Variants in CBARP observed in about 807,000 individuals in gnomAD.
The protein encoded by CBARP is CACN subunit beta associated regulatory protein.
In CBARP, 24 loss-of-function variants were observed where a neutral mutation model predicts 36.3. The ratio of observed to expected loss-of-function variants is 0.66; its 90% CI spans 0.48 to 0.93. The LOEUF (loss-of-function observed/expected upper bound fraction) is 0.93, where lower values mean the gene tolerates loss of function less well. CBARP is among the 40% of genes least tolerant of loss of function. CBARP has a pLI of 0.00. For synonymous variants in CBARP, 586 were observed against 453.2 expected (o/e 1.29, Z -3.72); for missense variants, 1,146 against 980.4 (o/e 1.17, Z -2.26).
rs1466051773 is a variant in CBARP at position 1,229,267 on chromosome 19, A to T, written c.2030T>A (p.Leu677His). Reference sequence around the variant, plus strand: ...GGGCTCGGCGAGGCGCGGCGGAAAGAGTCTCTCGTCGAGGCCAGCCGCCAG... The same window carrying T: ...GGGCTCGGCGAGGCGCGGCGGAAAGTGTCTCTCGTCGAGGCCAGCCGCCAG... Reference protein sequence around the residue: ...DKLAAGLDERLFPPRLAEPVV... With the variant: ...DKLAAGLDERHFPPRLAEPVV... The change falls in exon 10 of 10, where the codon CTC (leucine) becomes CAC (histidine). Residue 677 changes from leucine to histidine, a missense_variant. By Grantham distance (99) the Leu-to-His change is moderately conservative (BLOSUM62 -3). Transcript: ENST00000650044. The surrounding 1 kb of genome is among the most constrained non-coding windows in gnomAD (Gnocchi z 5.1). 4 of 1,251,830 alleles carry T rather than the reference A, an allele frequency of 3.2e-6. No individual in the cohort carries two copies. Among genetic ancestry groups the T allele is most frequent in the Non-Finnish European group, 3.1e-6 (3 of 974,140 alleles). 77.5% of individuals were successfully genotyped at this position (1,251,830 alleles called of 1,614,324 possible).
At chr19:1,230,266 A>G (rs2080872560) in intron 9 of CBARP, 124 bp from the exon 10 acceptor site, 4 of 992,148 alleles carry the variant, frequency 4.0e-6, no homozygotes, top group Non-Finnish European at 1.2e-6. Context: ...CGGGCCTTGG[A>G]AGGTGAGAGC....
rs755784672 is a variant in CBARP, at chr19:1,235,816, A to C, written c.208T>G (p.Cys70Gly). 2 of 1,610,198 alleles carry C rather than the reference A, an allele frequency of 1.2e-6. No homozygotes were observed. The highest frequency in any genetic ancestry group is 1.3e-5 in the African/African-American group (1 of 75,038). The change falls in exon 3 of 10, where the codon TGC (cysteine) becomes GGC (glycine). Residue 70 changes from cysteine (C) to glycine (G), a missense_variant. Transcript: ENST00000650044. ...LVVLSGVLLL[C>G]KRCWDVHQRL... is the part of the protein sequence containing the mutation. ...TGGTGGACGTCCCAGCAGCGCTTGC[A>C]GAGGAGCAGGACGCCAGACAACACC...
intron 7 of CBARP, among the ~76,000 whole-genome samples, chr19:1,233,911 G>A (rs1342523713): frequency 6.6e-6 from 1 of 152,226 alleles, no homozygotes; most frequent in African/African-American, 2.4e-5. Flanking sequence ...CCCACGGCGT[G>A]GGCTGCAGGT....
rs2080879083 is a variant in CBARP at position 1,230,765 on chromosome 19, T to TGGGCG, written c.1154+331_1154+335dup. 1.3e-5 allele frequency: 18 copies of TGGGCG among 1,356,056 alleles called. No homozygotes were observed. In the South Asian group the frequency reaches 1.7e-4, roughly 13 times the overall value. The allele number at this position is 1,356,056 out of a possible 1,614,324, so 84.0% of individuals were successfully genotyped here. A position where few individuals can be genotyped will look rare whatever the true frequency, so the allele number is the denominator to read the frequency against. ...AGGAGTCTGCCCAGCCTTGGGAGCA[T>TGGGCG]GGGCGGGGCGGGGGTGGGAGAGGGC... On this transcript the variant is annotated intron_variant, in intron 9 of 9. Coordinates refer to ENST00000650044, the MANE Select transcript of CBARP (RefSeq NM_001393918.1).
rs768084134 is a variant in CBARP at position 1,233,443 on chromosome 19, G to C, written c.962C>G (p.Ala321Gly). The stretch of plus-strand genomic sequence containing the variant: ...CAGCTCACCTCTCGTGTCCAGACTG[G>C]CTGCCCGCTGGCTGGGCTCCAGCTT... Reference protein sequence around the residue: ...KWKLEPSQRAASLDTRGSPKR... With the variant: ...KWKLEPSQRAGSLDTRGSPKR... The change falls in exon 8 of 10, where the codon GCC (alanine) becomes GGC (glycine). Residue 321 changes from alanine to glycine, a missense_variant. Ala to Gly is a moderately conservative substitution (Grantham distance 60). Coordinates refer to ENST00000650044, the MANE Select transcript of CBARP (RefSeq NM_001393918.1). 1.3e-6 allele frequency: 2 copies of C among 1,593,174 alleles called. No homozygotes were observed. The highest frequency in any genetic ancestry group is 2.7e-5 in the African/African-American group (2 of 74,634).
chr19:1,231,404 G>A, intron 8 of CBARP, 129 bp from the exon 9 acceptor site: 2 of 1,321,764 alleles, frequency 1.5e-6, no homozygotes, highest in Non-Finnish European at 2.0e-6. Flanking sequence ...CACAACGCCT[G>A]TGGACCCCCA....
rs775510371 is a variant in CBARP at position 1,235,844 on chromosome 19, C to T, written c.180G>A (p.Leu60=). ...GGAGCAGGACGCCAGACAACACCACCAGCGTGCCCCCCACGAACAGCGACA... is the reference window on the plus strand; with the variant it reads ...GGAGCAGGACGCCAGACAACACCACTAGCGTGCCCCCCACGAACAGCGACA... The part of the protein sequence containing the change: ...VVMSLFVGGT[L]VVLSGVLLLC... Residue 60 remains leucine, a synonymous_variant, in exon 3 of 10, where the codon CTG becomes CTA. Transcript: ENST00000650044. 4.3e-6 allele frequency: 7 copies of T among 1,611,686 alleles called. No homozygotes were observed. The highest frequency in any genetic ancestry group is 5.9e-6 in the Non-Finnish European group (7 of 1,179,942).
rs2080905687 is a variant in CBARP at position 1,232,372 on chromosome 19, G to A, written c.979+1054C>T. On this transcript the variant is annotated intron_variant, in intron 8 of 9. Coordinates refer to ENST00000650044, the MANE Select transcript of CBARP (RefSeq NM_001393918.1). ...GAGCCACAACACAGGGTCTCCCACT[G>A]TCTGATGATGTGTCCTCTGTCATGC... Among the ~76,000 whole-genome samples, 5 of 152,250 alleles carry A rather than the reference G, an allele frequency of 3.3e-5. No homozygotes were observed. The South Asian group carries it at 1.0e-3, about 32-fold the overall frequency.
rs369554257 is a variant in CBARP, at chr19:1,235,980, T to A, written c.105+16A>T. On this transcript the variant is annotated intron_variant, in intron 2 of 9. Transcript: ENST00000650044. ...TGGACGACCTCCTGCCCCTCCCACC[T>A]GTCCCCTGCACCCACCGTGGGGCGT... 7 of 1,579,738 alleles carry A rather than the reference T, an allele frequency of 4.4e-6. No individual in the cohort carries two copies. The African/African-American group carries it at 9.4e-5, about 21-fold the overall frequency.
At chr19:1,233,693 GGC>G in intron 7 of CBARP, 57 bp from the exon 8 acceptor site, 1 of 1,484,622 alleles carries the variant, frequency 6.7e-7, no homozygotes, top group African/African-American at 1.4e-5. Flanking sequence ...CCCGTGTGCT[GGC>G]CCCAGGTGGC....
intron 2 of CBARP, 27 bp from the exon 3 acceptor site, chr19:1,235,945 G>A (rs2080965229): frequency 6.3e-7 from 1 of 1,597,798 alleles, no homozygotes; most frequent in East Asian, 2.2e-5. Context: ...GGGGTCAGGT[G>A]CTGCTGGCCT....
rs202062486 is a variant in CBARP at position 1,231,083 on chromosome 19, C to T, written c.1154+18G>A. 1 of 1,592,326 alleles carries T rather than the reference C, an allele frequency of 6.3e-7. No individual in the cohort carries two copies. Among genetic ancestry groups the T allele is most frequent in the Non-Finnish European group, 8.6e-7 (1 of 1,167,496 alleles). On this transcript the variant is annotated intron_variant, in intron 9 of 9. Coordinates refer to ENST00000650044, the MANE Select transcript of CBARP (RefSeq NM_001393918.1). ...GCCCACAGGTCCACCCCTAGCACCT[C>T]CATCTACTGAAAAATACCTGCCGAG...
chr19:1,228,319 A>G lies in CBARP; in HGVS notation c.*860T>C. On this transcript the variant is annotated 3_prime_UTR_variant, in exon 10 of 10. Transcript: ENST00000650044. ...TCAATATTTATATCATCCAGAAAAG[A>G]AAAACACGAGAAACGCCATCGCGGG... 3.8e-6 allele frequency: 1 copy of G among 263,684 alleles called. No homozygotes were observed. Among genetic ancestry groups the G allele is most frequent in the Non-Finnish European group, 6.8e-6 (1 of 146,238 alleles). 16.3% of individuals were successfully genotyped at this position (263,684 alleles called of 1,614,324 possible). A position where few individuals can be genotyped will look rare whatever the true frequency, so the allele number is the denominator to read the frequency against.
At position 1,229,837 on chromosome 19, in the gene CBARP, G is replaced by A. The variant is rs2080865849; in HGVS notation, c.1460C>T (p.Ala487Val). The A allele has an allele frequency of 4.1e-6, 4 of 984,720 alleles. No individual in the cohort carries two copies. The African/African-American group carries it at 7.1e-5, about 17-fold the overall frequency. 61.0% of individuals were successfully genotyped at this position (984,720 alleles called of 1,614,324 possible). A position where few individuals can be genotyped will look rare whatever the true frequency, so the allele number is the denominator to read the frequency against. ...CGCCTCGCCGTCCTTGGGCCGCGGC[G>A]CGGGCGGGGAGGGCGGCGGGAAGGC... ...APAFPPPSPPAPRPKDGEARR... is the reference protein window; with the variant it reads ...APAFPPPSPPVPRPKDGEARR... Residue 487 changes from alanine (A) to valine (V), a missense_variant, in exon 10 of 10, where the codon GCG becomes GTG. By Grantham distance (64) the Ala-to-Val change is moderately conservative. Coordinates refer to ENST00000650044, the MANE Select transcript of CBARP (RefSeq NM_001393918.1). This position sits in a 1 kb window ranked among gnomAD's most constrained non-coding sequence, Gnocchi z 5.1.
intron 9 of CBARP, chr19:1,230,765 T>C: frequency 7.4e-7 from 1 of 1,356,056 alleles, no homozygotes; most frequent in South Asian, 1.9e-5. Flanking sequence ...CTTGGGAGCA[T>C]GGGCGGGGCG....
intron 9 of CBARP, chr19:1,230,572 A>C (rs2080876787): frequency 8.8e-7 from 1 of 1,131,272 alleles, no homozygotes; most frequent in South Asian, 3.9e-5. Context: ...AGGACAGTGC[A>C]CAGACGTGAG....
chr19:1,230,593 C>T (rs1259593571), intron 9 of CBARP: 3 of 1,185,690 alleles, frequency 2.5e-6, no homozygotes, highest in Non-Finnish European at 3.1e-6. Flanking sequence ...GGTCACCCGC[C>T]ATACCAGGGC....
intron 5 of CBARP, 105 bp from the exon 6 acceptor site, chr19:1,234,847 A>AG (rs748403992): frequency 1.3e-6 from 2 of 1,516,478 alleles, no homozygotes; most frequent in Non-Finnish European, 1.8e-6. Flanking sequence ...GGCAGGCGAA[A>AG]GGGGGGCAAC....
chr19:1,237,158 C>T (rs1461041846), intron 1 of CBARP, among the ~76,000 whole-genome samples: 4 of 152,232 alleles, frequency 2.6e-5, no homozygotes, highest in African/African-American at 7.2e-5. Context: ...CCGCTCCTGC[C>T]CTTCCCGGAC....
Sources: gnomAD v4.1 joint callset for allele counts (sites outside exome capture counted in the v4.1 genomes callset) on GRCh38, gnomAD v4.1.1 for gene constraint, Gnocchi (gnomAD v3.1) non-coding constraint, MANE v1.5 for transcripts, NCBI Gene and HGNC (gene_info 2026-07-23, HGNC 2026-07-21) for gene names.